The following ZCWPW2 variants were observed in gnomAD, a reference collection of about 807,000 sequenced individuals.
ZCWPW2 encodes zinc finger CW-type PWWP domain protein 2.
ZCWPW2 carries 45 observed loss-of-function variants against 46.6 expected under a neutral mutation model. That is an observed-to-expected ratio of 0.96 (90% CI 0.76 to 1.24). ZCWPW2 has a LOEUF of 1.24. Among genes scored for constraint, ZCWPW2 ranks in the 50% most tolerant of loss-of-function variants. The pLI is 0.00. For synonymous variants in ZCWPW2, 152 were observed against 137.1 expected (o/e 1.11, Z -0.76); for missense variants, 429 against 403.9 (o/e 1.06, Z -0.53).
intron 6 of ZCWPW2, among the ~76,000 whole-genome samples, chr3:28,496,038 T>G (rs1699982248): frequency 6.6e-6 from 1 of 152,050 alleles, no homozygotes; most frequent in African/African-American, 2.4e-5. Flanking sequence ...CATGTTAGGC[T>G]AAAAGCCAAG....
chr3:28,359,323 A>G (rs962688550), intron 1 of ZCWPW2, among the ~76,000 whole-genome samples: 2 of 152,064 alleles, frequency 1.3e-5, no homozygotes, highest in Non-Finnish European at 2.9e-5. Context: ...ACATTTTTCT[A>G]TTTTGGTCAA....
At chr3:28,480,593 C>T (rs1476457408) in intron 5 of ZCWPW2, among the ~76,000 whole-genome samples, 1 of 152,108 alleles carries the variant, frequency 6.6e-6, no homozygotes, top group African/African-American at 2.4e-5. Flanking sequence ...AATTAGATCA[C>T]ATTTGTCAAT....
At chr3:28,404,736 G>A (rs1696087886) in intron 2 of ZCWPW2, among the ~76,000 whole-genome samples, 3 of 152,130 alleles carry the variant, frequency 2.0e-5, no homozygotes, top group Admixed American at 6.5e-5. Context: ...ACAGTGACCT[G>A]GATGAGATTG....
At chr3:28,375,771 A>G (rs1705482304) in intron 1 of ZCWPW2, among the ~76,000 whole-genome samples, 1 of 149,992 alleles carries the variant, frequency 6.7e-6, no homozygotes, top group African/African-American at 2.5e-5. Flanking sequence ...AACTGTCCAC[A>G]CTTCCCCTAC....
In ZCWPW2 at chr3:28,524,789, T is replaced by C. The variant is rs1489309774; in HGVS notation, c.*101T>C. ...TGTTTAGTGAAATAGGTATAAATTA[T>C]ACCAAAGTTTATATTTGCGGTAACT... On this transcript the variant is annotated 3_prime_UTR_variant, in exon 10 of 10. Coordinates refer to ENST00000383768, the MANE Select transcript of ZCWPW2 (RefSeq NM_001040432.4). 2.4e-5 allele frequency: 24 copies of C among 1,009,416 alleles called. No individual in the cohort carries two copies. The highest frequency in any genetic ancestry group is 2.9e-5 in the Non-Finnish European group (22 of 762,120). 62.5% of individuals were successfully genotyped at this position (1,009,416 alleles called of 1,614,324 possible).
intron 6 of ZCWPW2, among the ~76,000 whole-genome samples, chr3:28,501,941 A>G (rs1411114178): frequency 6.6e-6 from 1 of 151,792 alleles, no homozygotes; most frequent in Admixed American, 6.6e-5. Context: ...TGTAGAGACA[A>G]GGTACTCCTG....
At chr3:28,465,622 AT>A (rs1559515586) in intron 4 of ZCWPW2, among the ~76,000 whole-genome samples, 1 of 152,216 alleles carries the variant, frequency 6.6e-6, no homozygotes, top group Non-Finnish European at 1.5e-5. Flanking sequence ...ATTATGTAAT[AT>A]TATTCTGGTC....
intron 2 of ZCWPW2, among the ~76,000 whole-genome samples, chr3:28,395,328 T>A (rs971736886): frequency 1.3e-5 from 2 of 152,142 alleles, no homozygotes; most frequent in Non-Finnish European, 2.9e-5. Context: ...ATGGTACAAC[T>A]GTTGTGGAAA....
chr3:28,431,315 A>C (rs1413654213), intron 3 of ZCWPW2, among the ~76,000 whole-genome samples: 1 of 152,188 alleles, frequency 6.6e-6, no homozygotes, highest in Admixed American at 6.5e-5. Context: ...AAAATGTCAC[A>C]GACTGGGTGG....
intron 1 of ZCWPW2, among the ~76,000 whole-genome samples, chr3:28,361,076 A>G (rs1704923803): frequency 6.6e-6 from 1 of 152,132 alleles, no homozygotes; most frequent in Non-Finnish European, 1.5e-5. Flanking sequence ...CTTTATGTAT[A>G]TACAGATATT....
intron 1 of ZCWPW2, among the ~76,000 whole-genome samples, chr3:28,354,574 C>A (rs1704665154): frequency 8.5e-6 from 1 of 118,054 alleles, no homozygotes; most frequent in Admixed American, 1.0e-4. Context: ...AGACCAATAT[C>A]CCTGATGAAC....
intron 2 of ZCWPW2, among the ~76,000 whole-genome samples, chr3:28,401,220 C>G (rs1695915718): frequency 6.6e-6 from 1 of 151,532 alleles, no homozygotes; most frequent in African/African-American, 2.4e-5. Context: ...ACAAAAAAAG[C>G]AAGGTATACA....
chr3:28,523,524 G>T (rs540751619), intron 9 of ZCWPW2, among the ~76,000 whole-genome samples: 1 of 152,180 alleles, frequency 6.6e-6, no homozygotes, highest in African/African-American at 2.4e-5. Flanking sequence ...ACTCCAAAGA[G>T]ACCTCTAAGA....
chr3:28,508,915 A>G (rs1700352575), intron 6 of ZCWPW2, among the ~76,000 whole-genome samples: 1 of 151,970 alleles, frequency 6.6e-6, no homozygotes, highest in South Asian at 2.1e-4. Context: ...TTTTTTTTAA[A>G]TGTACAATTC....
chr3:28,468,845 G>T (rs542401952), intron 4 of ZCWPW2, among the ~76,000 whole-genome samples: 1 of 152,192 alleles, frequency 6.6e-6, no homozygotes, highest in South Asian at 2.1e-4. Flanking sequence ...GAAAGAAAAG[G>T]ATCTTCCTGA....
chr3:28,395,502 C>A (rs1162839227), intron 2 of ZCWPW2, among the ~76,000 whole-genome samples: 5 of 152,094 alleles, frequency 3.3e-5, no homozygotes, highest in African/African-American at 9.7e-5. Flanking sequence ...GAAGTGGAAA[C>A]AAACTAATGT....
intron 6 of ZCWPW2, among the ~76,000 whole-genome samples, chr3:28,513,729 G>C (rs1372796971): frequency 6.6e-6 from 1 of 151,140 alleles, no homozygotes; most frequent in East Asian, 1.9e-4. Context: ...TCTGGCATTT[G>C]ATTTTTTTTT....
In ZCWPW2 at chr3:28,513,376, G is replaced by A. The variant is rs73823987; in HGVS notation, c.658-688G>A. 5.0e-3 allele frequency among the ~76,000 whole-genome samples: 756 copies of A among 152,180 alleles called. 11 individuals are homozygous for A. Among genetic ancestry groups the A allele is most frequent in the African/African-American group, 0.017 (702 of 41,530 alleles). ...TGAAATTGGATTTCTCACTTTAATG[G>A]TGTAGACCTAGTGTTTTCATTCTTT... On this transcript the variant is annotated intron_variant, in intron 6 of 9. Transcript: ENST00000383768.
intron 9 of ZCWPW2, among the ~76,000 whole-genome samples, chr3:28,522,142 A>G (rs1234080226): frequency 6.6e-6 from 1 of 152,182 alleles, no homozygotes; most frequent in Admixed American, 6.6e-5. Flanking sequence ...GAGGGATAGC[A>G]TTAGGAGACA....
Sources: gnomAD v4.1 joint callset for allele counts (sites outside exome capture counted in the v4.1 genomes callset) on GRCh38, gnomAD v4.1.1 for gene constraint, MANE v1.5 for transcripts, NCBI Gene and HGNC (gene_info 2026-07-23, HGNC 2026-07-21) for gene names.